Variants in ZNRF3 observed in about 807,000 individuals in gnomAD.
ZNRF3 encodes the protein E3 ubiquitin-protein ligase ZNRF3.
ZNRF3 carries 23 observed loss-of-function variants against 72.5 expected under a neutral mutation model. The observed-to-expected ratio is 0.32, with a 90% CI of 0.23 to 0.45. ZNRF3 has a LOEUF of 0.45. ZNRF3 is among the 20% of genes least tolerant of loss of function. The probability of loss-of-function intolerance (pLI) is 1.00; values close to 1 mark genes in which losing one functional copy is unlikely to be tolerated. For missense variants in ZNRF3, 1,169 were observed against 1,272.1 expected, an observed-to-expected ratio of 0.92 and a Z score of 1.23; for synonymous variants, 610 against 545.3, an observed-to-expected ratio of 1.12 and a Z score of -1.65.
At chr22:29,021,708 G>A (rs541674394) in intron 2 of ZNRF3, among the ~76,000 whole-genome samples, 6 of 151,660 alleles carry the variant, frequency 4.0e-5, no homozygotes, top group South Asian at 4.2e-4. Flanking sequence ...GGCTGGTCTC[G>A]AACTCCTGAC....
intron 2 of ZNRF3, among the ~76,000 whole-genome samples, chr22:29,016,056 A>T (rs1161236988): frequency 6.6e-6 from 1 of 150,522 alleles, no homozygotes; most frequent in Admixed American, 6.6e-5. Context: ...GGCTTGGCTG[A>T]TGAAAGTTGT....
chr22:29,009,003 G>C (rs1441076494), intron 2 of ZNRF3, among the ~76,000 whole-genome samples: 1 of 151,974 alleles, frequency 6.6e-6, no homozygotes, highest in African/African-American at 2.4e-5. Flanking sequence ...TTTTGCTCTG[G>C]TTGCCCTGGT....
In ZNRF3 at chr22:29,046,848, T is replaced by C; in HGVS notation, c.877T>C (p.Cys293Arg). 6.2e-7 allele frequency: 1 copy of C among 1,605,766 alleles called. No homozygotes were observed. The highest frequency in any genetic ancestry group is 8.5e-7 in the Non-Finnish European group (1 of 1,175,748). Residue 293 changes from cysteine to arginine, a missense_variant, in exon 6 of 9, where the codon TGT (cysteine) becomes CGT (arginine). Around this residue, in one of 2 missense-constraint regions of ZNRF3, gnomAD observed 386 missense variants for 540.7 expected, o/e 0.71. Coordinates refer to ENST00000544604, the MANE Select transcript of ZNRF3 (RefSeq NM_001206998.2). ...ACTCAGCAGCAGCTCCACGTCCGAC[T>C]GTGCCATCTGTCTGGAGAAGTACAT... ...DTLSSSSTSD[C>R]AICLEKYIDG...
chr22:29,019,493 G>A (rs16986971), intron 2 of ZNRF3, among the ~76,000 whole-genome samples: 5 of 152,130 alleles, frequency 3.3e-5, no homozygotes, highest in African/African-American at 9.7e-5. Context: ...GCTGAAGGTA[G>A]TACAGGGAAA....
intron 1 of ZNRF3, among the ~76,000 whole-genome samples, chr22:28,885,666 GT>G (rs1206091256): frequency 6.7e-6 from 1 of 149,906 alleles, no homozygotes; most frequent in Non-Finnish European, 1.5e-5. Flanking sequence ...GAAGTTTGCA[GT>G]TTTTATCTGC....
At chr22:29,003,729 A>G (rs940615948) in intron 2 of ZNRF3, among the ~76,000 whole-genome samples, 2 of 151,826 alleles carry the variant, frequency 1.3e-5, no homozygotes, top group Non-Finnish European at 2.9e-5. Flanking sequence ...GGTCCCAGCT[A>G]CTCGGGAGGC....
intron 1 of ZNRF3, among the ~76,000 whole-genome samples, chr22:28,951,911 A>G (rs2035168714): frequency 6.6e-6 from 1 of 152,194 alleles, no homozygotes; most frequent in African/African-American, 2.4e-5. Context: ...ACCTGCTCCC[A>G]TCCCGTTTGC....
chr22:28,955,467 C>G (rs182261079), intron 1 of ZNRF3, among the ~76,000 whole-genome samples: 1 of 152,284 alleles, frequency 6.6e-6, no homozygotes, highest in Admixed American at 6.5e-5. Context: ...TGTGTACCAC[C>G]TTGCAGCCTC....
chr22:28,953,136 C>T (rs1018195245), intron 1 of ZNRF3, among the ~76,000 whole-genome samples: 5 of 152,146 alleles, frequency 3.3e-5, no homozygotes, highest in Non-Finnish European at 7.3e-5. Context: ...TGGATTAGAC[C>T]AGGGTGTCAA....
At chr22:28,968,316 A>G (rs2035511295) in intron 1 of ZNRF3, among the ~76,000 whole-genome samples, 1 of 152,160 alleles carries the variant, frequency 6.6e-6, no homozygotes, top group African/African-American at 2.4e-5. Context: ...ATATCCATGT[A>G]TTATTTCCTT....
At chr22:28,967,490 C>T (rs1055748630) in intron 1 of ZNRF3, among the ~76,000 whole-genome samples, 7 of 152,146 alleles carry the variant, frequency 4.6e-5, no homozygotes, top group Admixed American at 1.3e-4. Flanking sequence ...GAAGTAGAAC[C>T]GTGGACAGAA....
chr22:28,997,988 TAAAAAAAAAAA>T (rs557887667), intron 2 of ZNRF3, among the ~76,000 whole-genome samples: 4 of 115,336 alleles, frequency 3.5e-5, no homozygotes, highest in Admixed American at 9.6e-5. Flanking sequence ...CCTGGCTCTT[TAAAAAAAAAAA>T]AAAAAAAAAA....
At chr22:28,898,351 C>T (rs1335902080) in intron 1 of ZNRF3, among the ~76,000 whole-genome samples, 1 of 152,136 alleles carries the variant, frequency 6.6e-6, no homozygotes, top group Non-Finnish European at 1.5e-5. Context: ...TTGGGATAGT[C>T]CAGACTCTCA....
chr22:29,037,159 A>G (rs947184274), intron 2 of ZNRF3, among the ~76,000 whole-genome samples: 7 of 152,188 alleles, frequency 4.6e-5, no homozygotes, highest in Admixed American at 1.3e-4. Context: ...TGACAGAGGA[A>G]CAGGTAAACA....
In ZNRF3 at chr22:29,007,976, G is replaced by A. The variant is rs956786768; in HGVS notation, c.426+20775G>A. Among the ~76,000 whole-genome samples the A allele has an allele frequency of 2.6e-5, 4 of 151,714 alleles. No homozygotes were observed. In the East Asian group the frequency reaches 5.8e-4, roughly 22 times the overall value. On this transcript the variant is annotated intron_variant, in intron 2 of 8. Transcript: ENST00000544604. ...TCTCCATGTTGGTCAGGCTGGTCTC[G>A]AACTCCCAATCTCAGGTGATCCACC... is the stretch of plus-strand genomic sequence containing the variant.
rs79813029 is a variant in ZNRF3, at chr22:29,035,994, C to T, written c.427-6501C>T. Among the ~76,000 whole-genome samples, 710 of 152,192 alleles carry T rather than the reference C, an allele frequency of 4.7e-3. 4 individuals carry two copies. Among genetic ancestry groups the T allele is most frequent in the Non-Finnish European group, 7.8e-3 (529 of 68,012 alleles). On this transcript the variant is annotated intron_variant, in intron 2 of 8. Transcript: ENST00000544604. ...GTAGCTGGGATTATAGGTACTAATC[C>T]AGCATATTTTAAACTACATTTTGGT...
chr22:28,891,085 CA>C (rs1406627054), intron 1 of ZNRF3, among the ~76,000 whole-genome samples: 1 of 152,064 alleles, frequency 6.6e-6, no homozygotes, highest in Non-Finnish European at 1.5e-5. Flanking sequence ...GGTATTTTCC[CA>C]AGTCTGGAGA....
chr22:29,023,381 G>A (rs1350849535), intron 2 of ZNRF3, among the ~76,000 whole-genome samples: 2 of 152,192 alleles, frequency 1.3e-5, no homozygotes, highest in Non-Finnish European at 1.5e-5. Flanking sequence ...GGGACTAGGT[G>A]TGCTTTCATC....
At chr22:28,890,294 A>G (rs2033861101) in intron 1 of ZNRF3, among the ~76,000 whole-genome samples, 1 of 152,136 alleles carries the variant, frequency 6.6e-6, no homozygotes, top group South Asian at 2.1e-4. Context: ...AGGTCAGGAG[A>G]TCGAGACAAT....
Sources: gnomAD v4.1 joint callset for allele counts (sites outside exome capture counted in the v4.1 genomes callset) on GRCh38, gnomAD v4.1.1 for gene constraint, gnomAD v4.1.1 regional missense constraint, MANE v1.5 for transcripts, NCBI Gene and HGNC (gene_info 2026-07-23, HGNC 2026-07-21) for gene names.